CPNE8: variants seen among roughly 807,000 people sequenced by gnomAD.
CPNE8 encodes copine 8, also known as copine-8.
CPNE8 carries 45 observed loss-of-function variants against 81.5 expected under a neutral mutation model. The ratio of observed to expected loss-of-function variants is 0.55; its 90% CI spans 0.44 to 0.71. CPNE8 has a LOEUF of 0.71. Among genes scored for constraint, CPNE8 ranks in the 30% least tolerant of loss-of-function variants. The pLI, the probability that CPNE8 is intolerant of heterozygous loss-of-function variation, is 0.00. For synonymous variants in CPNE8, 252 were observed against 226.3 expected (o/e 1.11, Z -1.02); for missense variants, 594 against 672.1 (o/e 0.88, Z 1.28).
intron 15 of CPNE8, among the ~76,000 whole-genome samples, chr12:38,685,883 A>G (rs1939522489): frequency 6.6e-6 from 1 of 152,170 alleles, no homozygotes; most frequent in Admixed American, 6.5e-5. Flanking sequence ...AAAATTTTAA[A>G]TAAGAAGTTG....
chr12:38,688,511 A>T (rs913580733), intron 15 of CPNE8, among the ~76,000 whole-genome samples: 3 of 152,176 alleles, frequency 2.0e-5, no homozygotes. Context: ...TTACTTGCAC[A>T]CACCTTTATA....
intron 13 of CPNE8, among the ~76,000 whole-genome samples, chr12:38,714,486 T>C (rs1202965515): frequency 6.6e-6 from 1 of 152,070 alleles, no homozygotes. Context: ...CCAAGGTCAA[T>C]AATCCAGAAG....
intron 6 of CPNE8, among the ~76,000 whole-genome samples, chr12:38,786,236 T>C (rs1203535541): frequency 6.6e-6 from 1 of 152,198 alleles, no homozygotes; most frequent in East Asian, 1.9e-4. Context: ...TGATGGTTAA[T>C]ACTGAGTGTC....
intron 19 of CPNE8, among the ~76,000 whole-genome samples, chr12:38,666,541 A>ACT: frequency 6.6e-6 from 1 of 152,292 alleles, no homozygotes; most frequent in South Asian, 2.1e-4. Context: ...TACGTGGAGA[A>ACT]ATTTGAAAGT....
At chr12:38,799,615 C>G (rs899745008) in intron 6 of CPNE8, among the ~76,000 whole-genome samples, 1 of 151,960 alleles carries the variant, frequency 6.6e-6, no homozygotes, top group South Asian at 2.1e-4. Flanking sequence ...AAACTGACAC[C>G]CTAACATCAC....
chr12:38,694,368 C>A (rs1243068546), intron 14 of CPNE8, among the ~76,000 whole-genome samples: 1 of 152,178 alleles, frequency 6.6e-6, no homozygotes, highest in Non-Finnish European at 1.5e-5. Context: ...CTAAAAAATT[C>A]TTCACAACTT....
chr12:38,848,875 A>C (rs1346807848), intron 3 of CPNE8, among the ~76,000 whole-genome samples: 1 of 152,170 alleles, frequency 6.6e-6, no homozygotes, highest in Non-Finnish European at 1.5e-5. Flanking sequence ...CCCAAAATTC[A>C]TATGACAAAC....
chr12:38,684,673 C>T (rs1939493948), intron 16 of CPNE8, among the ~76,000 whole-genome samples: 2 of 152,086 alleles, frequency 1.3e-5, no homozygotes, highest in Admixed American at 6.6e-5. Context: ...TGGTAAAGTA[C>T]TAGAACCTTC....
At chr12:38,880,150 C>T (rs567468339) in intron 1 of CPNE8, among the ~76,000 whole-genome samples, 1 of 152,166 alleles carries the variant, frequency 6.6e-6, no homozygotes. Context: ...GGACAGAGAC[C>T]AGTATCTCTG....
intron 6 of CPNE8, among the ~76,000 whole-genome samples, chr12:38,809,481 G>T: frequency 6.6e-6 from 1 of 152,116 alleles, no homozygotes; most frequent in Non-Finnish European, 1.5e-5. Flanking sequence ...CAGCTAATTA[G>T]CATGATTAGT....
chr12:38,898,751 G>A (rs983571171), intron 1 of CPNE8, among the ~76,000 whole-genome samples: 1 of 152,168 alleles, frequency 6.6e-6, no homozygotes, highest in Admixed American at 6.5e-5. Context: ...TTTCACCGCA[G>A]ATCATTAGAA....
chr12:38,714,751 ATCTG>A (rs1260598029), intron 13 of CPNE8, among the ~76,000 whole-genome samples: 2 of 152,058 alleles, frequency 1.3e-5, no homozygotes, highest in Non-Finnish European at 1.5e-5. Flanking sequence ...GAATCCATAA[ATCTG>A]TCTACTGCAG....
At chr12:38,749,149 C>T (rs1340745891) in intron 10 of CPNE8, among the ~76,000 whole-genome samples, 2 of 152,046 alleles carry the variant, frequency 1.3e-5, no homozygotes, top group Non-Finnish European at 2.9e-5. Context: ...ATAAGTCTCA[C>T]AAGATCTGAT....
chr12:38,824,273 A>C (rs1943152934), intron 6 of CPNE8, among the ~76,000 whole-genome samples: 1 of 152,166 alleles, frequency 6.6e-6, no homozygotes, highest in Non-Finnish European at 1.5e-5. Flanking sequence ...AAAACACAGA[A>C]AGTAAAAAAG....
At chr12:38,783,752 AT>A (rs1942105661) in intron 6 of CPNE8, among the ~76,000 whole-genome samples, 1 of 152,190 alleles carries the variant, frequency 6.6e-6, no homozygotes, top group Non-Finnish European at 1.5e-5. Context: ...ACTCTTACAG[AT>A]TTTGTCCAAG....
chr12:38,721,239 A>G (rs1446370502), intron 13 of CPNE8: 1 of 153,830 alleles, frequency 6.5e-6, no homozygotes, highest in Non-Finnish European at 1.4e-5. Flanking sequence ...TTGCAGGGAC[A>G]TCAGGACTGC....
At chr12:38,671,022 T>C (rs73093111) in intron 18 of CPNE8, 21,751 of 466,254 alleles carry the variant, frequency 0.047, 668 homozygotes, top group Middle Eastern at 0.061. Flanking sequence ...TGTGACTCTT[T>C]GAAAGGTGAG....
chr12:38,748,063 T>G (rs919918694), intron 10 of CPNE8, among the ~76,000 whole-genome samples: 7 of 152,130 alleles, frequency 4.6e-5, no homozygotes, highest in Non-Finnish European at 7.3e-5. Context: ...CAGGCTGGAG[T>G]GCAATGGCGC....
chr12:38,741,434 A>C (rs1387143338), intron 10 of CPNE8, among the ~76,000 whole-genome samples: 1 of 152,204 alleles, frequency 6.6e-6, no homozygotes, highest in Non-Finnish European at 1.5e-5. Flanking sequence ...AATGGGGAAA[A>C]GATTCCCTAT....
Sources: allele counts gnomAD v4.1 joint callset (sites outside exome capture counted in the v4.1 genomes callset), GRCh38; gene constraint gnomAD v4.1.1; transcripts MANE v1.5; gene names NCBI Gene and HGNC (gene_info 2026-07-23, HGNC 2026-07-21).